The following KDM2A variants were observed in gnomAD, a reference collection of about 807,000 sequenced individuals.
The protein encoded by KDM2A is lysine-specific demethylase 2A.
A neutral mutation model predicts 137.3 loss-of-function variants in KDM2A; 3 were observed. The ratio of observed to expected loss-of-function variants is 0.02; its 90% CI spans 0.01 to 0.06. The LOEUF (loss-of-function observed/expected upper bound fraction) is 0.06, where lower values mean the gene tolerates loss of function less well. KDM2A is among the 10% of genes least tolerant of loss of function. KDM2A has a pLI of 1.00. For missense variants in KDM2A, 738 were observed against 1,510.6 expected, an observed-to-expected ratio of 0.49 and a Z score of 8.48; for synonymous variants, 512 against 541.5, an observed-to-expected ratio of 0.95 and a Z score of 0.76.
At chr11:67,167,209 G>A (rs1039536416) in intron 2 of KDM2A, among the ~76,000 whole-genome samples, 1 of 152,162 alleles carries the variant, frequency 6.6e-6, no homozygotes, top group Non-Finnish European at 1.5e-5. Context: ...TCTAAACTCA[G>A]ATTGCTTCTC....
At chr11:67,236,303 G>A (rs1337912973) in intron 12 of KDM2A, among the ~76,000 whole-genome samples, 1 of 151,988 alleles carries the variant, frequency 6.6e-6, no homozygotes, top group Non-Finnish European at 1.5e-5. Flanking sequence ...GCTAATTTTT[G>A]TATTTTCAGT....
chr11:67,134,027 C>T (rs1855918053), intron 2 of KDM2A, among the ~76,000 whole-genome samples: 1 of 152,184 alleles, frequency 6.6e-6, no homozygotes, highest in African/African-American at 2.4e-5. Context: ...CTGACCTGTC[C>T]TTGTTGAAGT....
chr11:67,217,947 T>C, intron 9 of KDM2A, 63 bp downstream of exon 9: 1 of 1,383,754 alleles, frequency 7.2e-7, no homozygotes, highest in Non-Finnish European at 9.8e-7. Context: ...AAGAAATTGA[T>C]GGATTACCAC....
At chr11:67,178,185 C>T (rs1259365522) in intron 2 of KDM2A, among the ~76,000 whole-genome samples, 5 of 152,200 alleles carry the variant, frequency 3.3e-5, no homozygotes, top group East Asian at 1.9e-4. Flanking sequence ...GCGTGCAGAT[C>T]GCTTGAGCAC....
intron 2 of KDM2A, among the ~76,000 whole-genome samples, chr11:67,165,119 A>T (rs1485377956): frequency 2.0e-5 from 3 of 149,968 alleles, no homozygotes; most frequent in Non-Finnish European, 3.0e-5. Context: ...AATTTAGAAT[A>T]CCAACTTTTT....
rs1386528410 is a variant in KDM2A, at chr11:67,250,167, A to T, written c.2137A>T (p.Thr713Ser). 1 of 1,613,638 alleles carries T rather than the reference A, an allele frequency of 6.2e-7. No individual in the cohort carries two copies. The highest frequency in any genetic ancestry group is 1.1e-5 in the South Asian group (1 of 91,008). ...RPLRSCDEPL[T>S]PPPHSPTSML... ...CCTGCGGAGCTGCGATGAGCCTCTC[A>T]CGCCCCCGCCTCATTCACCCACTTC... Residue 713 changes from threonine (T) to serine (S), a missense_variant, in exon 17 of 21, where the codon ACG becomes TCG. By Grantham distance (58) the Thr-to-Ser change is moderately conservative. Transcript: ENST00000529006. The surrounding 1 kb of genome is among the most constrained non-coding windows in gnomAD (Gnocchi z 7.1).
chr11:67,123,985 T>TTTG (rs1341000489), intron 2 of KDM2A, among the ~76,000 whole-genome samples: 1 of 151,278 alleles, frequency 6.6e-6, no homozygotes, highest in Non-Finnish European at 1.5e-5. Flanking sequence ...ACTTTTGGGT[T>TTTG]TTGTTGTTGT....
chr11:67,253,124 A>G (rs1859487875), intron 18 of KDM2A, among the ~76,000 whole-genome samples: 1 of 152,228 alleles, frequency 6.6e-6, no homozygotes, highest in Non-Finnish European at 1.5e-5. Flanking sequence ...TCTCCTCAGC[A>G]TAACCACTAA....
intron 10 of KDM2A, among the ~76,000 whole-genome samples, chr11:67,223,427 G>A (rs755958755): frequency 2.0e-5 from 3 of 150,828 alleles, no homozygotes; most frequent in Non-Finnish European, 2.9e-5. Context: ...TTTTGACACA[G>A]GGTCTCACTC....
chr11:67,132,624 G>T (rs1023975095), intron 2 of KDM2A, among the ~76,000 whole-genome samples: 8 of 152,142 alleles, frequency 5.3e-5, no homozygotes, highest in African/African-American at 1.9e-4. Flanking sequence ...GGCCAAAGTG[G>T]CATTTTGGGA....
intron 2 of KDM2A, among the ~76,000 whole-genome samples, chr11:67,153,995 A>T (rs1396278232): frequency 6.6e-6 from 1 of 152,198 alleles, no homozygotes; most frequent in Non-Finnish European, 1.5e-5. Context: ...TCTCCTAAGA[A>T]TAAGAACATG....
At chr11:67,160,392 G>A (rs1856609551) in intron 2 of KDM2A, among the ~76,000 whole-genome samples, 1 of 152,144 alleles carries the variant, frequency 6.6e-6, no homozygotes, top group South Asian at 2.1e-4. Context: ...GTAAATCCTG[G>A]GTTCAGGATG....
At chr11:67,234,208 C>T (rs916059723) in intron 12 of KDM2A, among the ~76,000 whole-genome samples, 3 of 152,206 alleles carry the variant, frequency 2.0e-5, no homozygotes, top group Admixed American at 6.5e-5. Flanking sequence ...CTAAGCATCA[C>T]TCAAAAGAAA....
Position 67,204,408 on chromosome 11 carries a change from G to T in KDM2A, c.308-3102G>T, listed in dbSNP as rs148044145. Among the ~76,000 whole-genome samples the T allele has an allele frequency of 1.1e-4, 17 of 151,686 alleles. No homozygotes were observed. The East Asian group carries it at 3.1e-3, about 28-fold the overall frequency. On this transcript the variant is annotated intron_variant, in intron 5 of 20. Transcript: ENST00000529006. ...AAATCTATTCTGTCTTGGTGAATTT[G>T]TCTAATCTGTATATTTCATATAAAT...
intron 5 of KDM2A, chr11:67,196,903 GA>G (rs201363212): frequency 1.5e-4 from 22 of 150,444 alleles, no homozygotes; most frequent in South Asian, 5.2e-4. Context: ...TTTACAAGTT[GA>G]AAAAAAAATA....
intron 10 of KDM2A, among the ~76,000 whole-genome samples, chr11:67,222,899 G>GA (rs540872235): frequency 1.1e-3 from 148 of 140,012 alleles, no homozygotes; most frequent in South Asian, 2.8e-3. Flanking sequence ...AAATAAGGGG[G>GA]AAAAAAAAAA....
At chr11:67,144,075 T>G (rs1856188300) in intron 2 of KDM2A, among the ~76,000 whole-genome samples, 1 of 150,684 alleles carries the variant, frequency 6.6e-6, no homozygotes, top group African/African-American at 2.4e-5. Context: ...CCTGAGTAGC[T>G]GGGATTATAG....
In KDM2A at chr11:67,257,700, G is replaced by A. The variant is rs762546834; in HGVS notation, c.*2645G>A. 6 of 152,044 alleles carry A rather than the reference G, an allele frequency of 3.9e-5. No homozygotes were observed. The highest frequency in any genetic ancestry group is 3.4e-3 in the Middle Eastern group (1 of 294). 9.4% of individuals were successfully genotyped at this position (152,044 alleles called of 1,614,324 possible). The stretch of plus-strand genomic sequence containing the variant: ...GGTTTGGTTGTGTTTTTTGTTTTTC[G>A]GAGAAATATTGTAAATATATATTTT... On this transcript the variant is annotated 3_prime_UTR_variant, in exon 21 of 21. Coordinates refer to ENST00000529006, the MANE Select transcript of KDM2A (RefSeq NM_012308.3).
intron 2 of KDM2A, among the ~76,000 whole-genome samples, chr11:67,146,254 A>G (rs957999427): frequency 4.5e-4 from 68 of 151,864 alleles, no homozygotes; most frequent in African/African-American, 1.4e-3. Flanking sequence ...CAGCCTCCCA[A>G]AGTGCTGGGA....
Sources: allele counts gnomAD v4.1 joint callset (sites outside exome capture counted in the v4.1 genomes callset), GRCh38; gene constraint gnomAD v4.1.1; non-coding constraint Gnocchi (gnomAD v3.1); transcripts MANE v1.5; gene names NCBI Gene and HGNC (gene_info 2026-07-23, HGNC 2026-07-21).